Variants in LTF observed in about 807,000 individuals in gnomAD.
The protein encoded by LTF is lactotransferrin.
A neutral mutation model predicts 87.2 loss-of-function variants in LTF; 91 were observed. The ratio of observed to expected loss-of-function variants is 1.04; its 90% confidence interval spans 0.88 to 1.24. The LOEUF is 1.24. Ranked by LOEUF, LTF falls within the 50% of genes most tolerant of loss-of-function variation. The pLI is 0.00. For missense variants in LTF, 901 were observed against 904.3 expected, an observed-to-expected ratio of 1.00 and a Z score of 0.05; for synonymous variants, 378 against 356.1, an observed-to-expected ratio of 1.06 and a Z score of -0.69.
At chr3:46,482,423 T>C (rs1256247498) in intron 1 of LTF, among the ~76,000 whole-genome samples, 1 of 149,260 alleles carries the variant, frequency 6.7e-6, no homozygotes, top group Non-Finnish European at 1.5e-5. Context: ...TGAGCTGTGA[T>C]CACACCATTG....
At chr3:46,441,593 A>G in intron 13 of LTF, 110 bp from the exon 14 acceptor site, 2 of 765,888 alleles carry the variant, frequency 2.6e-6, no homozygotes, top group Non-Finnish European at 4.5e-6. Flanking sequence ...GTAAACATCT[A>G]AAAGACAACT....
chr3:46,480,342 G>A (rs1237916773), intron 1 of LTF, among the ~76,000 whole-genome samples: 1 of 152,114 alleles, frequency 6.6e-6, no homozygotes, highest in East Asian at 1.9e-4. Context: ...CCAGAGTTTG[G>A]ACTCCGCAAC....
At chr3:46,436,332 C>G in intron 16 of LTF, 103 bp from the exon 17 acceptor site, 1 of 1,043,034 alleles carries the variant, frequency 9.6e-7, no homozygotes, top group South Asian at 1.3e-5. Flanking sequence ...TTTCTCTGCC[C>G]TTCTCCCATC....
intron 1 of LTF, among the ~76,000 whole-genome samples, chr3:46,484,638 C>T (rs1703493702): frequency 6.6e-6 from 1 of 152,214 alleles, no homozygotes; most frequent in African/African-American, 2.4e-5. Context: ...CTGGGGGCCC[C>T]AGCATATTGT....
intron 1 of LTF, among the ~76,000 whole-genome samples, chr3:46,475,664 G>A (rs1703352164): frequency 6.6e-6 from 1 of 152,004 alleles, no homozygotes; most frequent in South Asian, 2.1e-4. Flanking sequence ...TTGACCATTA[G>A]AGACCACCCA....
rs749990490 is a variant in LTF, at chr3:46,449,019, T to C, written c.1058-2A>G. The C allele has an allele frequency of 1.9e-6, 3 of 1,604,642 alleles. No homozygotes were observed. Among genetic ancestry groups the C allele is most frequent in the Non-Finnish European group, 2.6e-6 (3 of 1,176,254 alleles). On this transcript the variant is annotated splice_acceptor_variant, in intron 8 of 16. Coordinates refer to ENST00000231751, the MANE Select transcript of LTF (RefSeq NM_002343.6). LOFTEE classifies it high-confidence loss of function. ...GCCGGGCAGCCACTTCCTCCTCACC[T>C]GCCAGAGGGAAGACCGCAGGTGGCT... is the stretch of plus-strand genomic sequence containing the variant.
chr3:46,472,487 A>G (rs7639243), intron 1 of LTF, among the ~76,000 whole-genome samples: 4 of 145,722 alleles, frequency 2.7e-5, no homozygotes, highest in East Asian at 2.0e-4. Flanking sequence ...GGAAAAGATT[A>G]TTGTGTGTGT....
intron 14 of LTF, 124 bp from the exon 15 acceptor site, chr3:46,439,604 G>T: frequency 1.3e-6 from 1 of 763,460 alleles, no homozygotes. Flanking sequence ...GGTGATGTGA[G>T]GAACAGAGAA....
At chr3:46,468,816 A>T (rs946851927), upstream of LTF, among the ~76,000 whole-genome samples, 10 of 152,226 alleles carry the variant, frequency 6.6e-5, no homozygotes, top group Admixed American at 1.3e-4. Context: ...ACCACTTGTT[A>T]AACATTTAGG....
upstream of LTF, among the ~76,000 whole-genome samples, chr3:46,467,562 A>G (rs1180704738): frequency 6.6e-6 from 1 of 151,852 alleles, no homozygotes; most frequent in East Asian, 1.9e-4. Context: ...GAACCCAGTG[A>G]CCAATTACCT....
At chr3:46,464,101 C>T (rs924717525) in intron 1 of LTF, among the ~76,000 whole-genome samples, 19 of 152,202 alleles carry the variant, frequency 1.2e-4, no homozygotes, top group Non-Finnish European at 4.4e-5. Flanking sequence ...CCTCCCGGTG[C>T]TGCAGGGAGC....
chr3:46,462,678 T>C (rs753673484), intron 1 of LTF, among the ~76,000 whole-genome samples: 2 of 152,108 alleles, frequency 1.3e-5, no homozygotes, highest in Non-Finnish European at 2.9e-5. Context: ...CGGGAGACTC[T>C]CCCTAGGGCA....
rs148283280 is a variant in LTF, at chr3:46,450,505, C to A, written c.872G>T (p.Arg291Leu). ...CGTGGGTGAAGATACCTGTGCCTGG[C>A]GGAGAAGATTCCAGATGGCATCCTC... is the stretch of plus-strand genomic sequence containing the variant. ...GKEDAIWNLLRQAQEKFGKDK... is the reference protein window; with the variant it reads ...GKEDAIWNLLLQAQEKFGKDK... Residue 291 changes from arginine to leucine, a missense_variant, in exon 7 of 17, where the codon CGC becomes CTC. Transcript: ENST00000231751. 10 of 1,611,320 alleles carry A rather than the reference C, an allele frequency of 6.2e-6. No individual in the cohort carries two copies. Among genetic ancestry groups the A allele is most frequent in the Admixed American group, 1.7e-5 (1 of 59,766 alleles).
At chr3:46,448,047 A>G (rs1442782136) in intron 9 of LTF, among the ~76,000 whole-genome samples, 1 of 152,182 alleles carries the variant, frequency 6.6e-6, no homozygotes, top group Non-Finnish European at 1.5e-5. Flanking sequence ...ATTCACATAA[A>G]AGATATCCTG....
chr3:46,459,953 TC>T, intron 1 of LTF, 134 bp from the exon 2 acceptor site: 3 of 545,658 alleles, frequency 5.5e-6, no homozygotes, highest in Non-Finnish European at 8.9e-6. Context: ...CATGGCTATG[TC>T]CAGCCATTCT....
At chr3:46,468,578 G>A (rs954132699), upstream of LTF, among the ~76,000 whole-genome samples, 14 of 152,168 alleles carry the variant, frequency 9.2e-5, no homozygotes, top group African/African-American at 3.4e-4. Context: ...AGTCCTCCCT[G>A]CAAGCCAGTA....
At chr3:46,456,003 A>G in intron 3 of LTF, 25 bp from the exon 4 acceptor site, 1 of 1,540,854 alleles carries the variant, frequency 6.5e-7, no homozygotes, top group South Asian at 1.3e-5. Flanking sequence ...ACAGAATTGA[A>G]AGTTCTTAGC....
At chr3:46,479,079 C>T (rs773736039) in intron 1 of LTF, among the ~76,000 whole-genome samples, 1 of 152,236 alleles carries the variant, frequency 6.6e-6, no homozygotes, top group Non-Finnish European at 1.5e-5. Flanking sequence ...AGGGAATAGT[C>T]AGTTACCACC....
upstream of LTF, chr3:46,465,147 G>A: frequency 3.9e-6 from 2 of 513,978 alleles, no homozygotes; most frequent in South Asian, 2.2e-5. Context: ...CCACTAGTCT[G>A]CAAGCCCCTA....
Sources: allele counts gnomAD v4.1 joint callset (sites outside exome capture counted in the v4.1 genomes callset), GRCh38; gene constraint gnomAD v4.1.1; transcripts MANE v1.5; gene names NCBI Gene and HGNC (gene_info 2026-07-23, HGNC 2026-07-21).